Variants in TPTE observed in about 807,000 individuals in gnomAD.
TPTE encodes transmembrane phosphatase with tensin homology.
TPTE carries 59 observed loss-of-function variants against 84.1 expected under a neutral mutation model. The observed-to-expected ratio is 0.70, with a 90% CI of 0.57 to 0.87. The LOEUF (loss-of-function observed/expected upper bound fraction) is 0.87. Ranked by LOEUF, TPTE falls within the 40% of genes least tolerant of loss-of-function variation. The probability of loss-of-function intolerance (pLI) is 0.00; values close to 1 mark genes in which losing one functional copy is unlikely to be tolerated. For missense variants in TPTE, 382 were observed against 659.6 expected (o/e 0.58, Z 4.61); for synonymous variants, 130 against 223.5 (o/e 0.58, Z 3.73).
intron 7 of TPTE, among the ~76,000 whole-genome samples, chr21:10,547,968 G>A (rs1371258951): frequency 6.6e-6 from 1 of 152,426 alleles, no homozygotes; most frequent in African/African-American, 2.4e-5. Context: ...CAGGTCAACA[G>A]AGTGACTATG....
chr21:10,530,851 A>C (rs918368125), intron 3 of TPTE, among the ~76,000 whole-genome samples: 1 of 152,310 alleles, frequency 6.6e-6, no homozygotes, highest in African/African-American at 2.4e-5. Flanking sequence ...TTATATAATC[A>C]GTCTAATAGA....
At chr21:10,602,171 C>T (rs758368238) in intron 22 of TPTE, 21 bp downstream of exon 22, 1 of 1,596,830 alleles carries the variant, frequency 6.3e-7, no homozygotes. Flanking sequence ...ACAAAGTAGC[C>T]TCTGCCATTG....
chr21:10,569,964 T>G (rs1177580478), intron 13 of TPTE, among the ~76,000 whole-genome samples: 2 of 152,304 alleles, frequency 1.3e-5, no homozygotes, highest in African/African-American at 4.8e-5. Context: ...CATAGGAACT[T>G]GAATGGATTT....
At chr21:10,545,781 A>G (rs1262727573) in intron 7 of TPTE, among the ~76,000 whole-genome samples, 2 of 151,804 alleles carry the variant, frequency 1.3e-5, no homozygotes, top group Non-Finnish European at 2.9e-5. Flanking sequence ...ATCTATATAC[A>G]TGTCTACATA....
chr21:10,603,339 TC>T (rs1482994443), intron 22 of TPTE, among the ~76,000 whole-genome samples: 1 of 152,312 alleles, frequency 6.6e-6, no homozygotes, highest in Non-Finnish European at 1.5e-5. Flanking sequence ...AAAATACTAT[TC>T]CTTGAAAATT....
chr21:10,536,935 A>G (rs2074276950), intron 3 of TPTE, among the ~76,000 whole-genome samples: 1 of 152,302 alleles, frequency 6.6e-6, no homozygotes, highest in African/African-American at 2.4e-5. Context: ...GCCCTTAGGG[A>G]AAACAAACAG....
rs574393521 is a variant in TPTE at position 10,522,643 on chromosome 21, A to G, written c.-211+949A>G. 2.0e-5 allele frequency among the ~76,000 whole-genome samples: 3 copies of G among 152,428 alleles called. No individual in the cohort carries two copies. The East Asian group carries it at 5.8e-4, about 29-fold the overall frequency. ...GCTTATTTGCCAGTTGCAAATCTCT[A>G]TTAGTGAAGTATCTGTTCACGTATT... is the stretch of plus-strand genomic sequence containing the variant. On this transcript the variant is annotated intron_variant, in intron 1 of 23. Transcript: ENST00000618007.
At chr21:10,558,882 A>AAT in intron 8 of TPTE, among the ~76,000 whole-genome samples, 1 of 152,304 alleles carries the variant, frequency 6.6e-6, no homozygotes, top group African/African-American at 2.4e-5. Context: ...AGGCTCCATC[A>AAT]AACAGGTTCT....
chr21:10,587,363 C>T (rs1305966013), intron 17 of TPTE, among the ~76,000 whole-genome samples: 1 of 152,306 alleles, frequency 6.6e-6, no homozygotes, highest in African/African-American at 2.4e-5. Flanking sequence ...AACCTGTGTC[C>T]TTTTCTGCTG....
intron 7 of TPTE, among the ~76,000 whole-genome samples, chr21:10,550,033 A>G (rs1201884571): frequency 6.6e-6 from 1 of 152,426 alleles, no homozygotes; most frequent in Non-Finnish European, 1.5e-5. Context: ...AAAGAAAAAA[A>G]TCTTTCAGCC....
At chr21:10,560,281 A>G (rs559395761) in intron 9 of TPTE, among the ~76,000 whole-genome samples, 44 of 152,412 alleles carry the variant, frequency 2.9e-4, no homozygotes, top group Non-Finnish European at 5.0e-4. Context: ...TCTTCTCTAC[A>G]TAAGAGTAAG....
chr21:10,543,279 G>C, intron 6 of TPTE, 50 bp from the exon 7 acceptor site: 1 of 1,458,698 alleles, frequency 6.9e-7, no homozygotes. Flanking sequence ...TGATCCACCC[G>C]CCTCGGCCTC....
chr21:10,535,333 A>G (rs2074248734), intron 3 of TPTE, among the ~76,000 whole-genome samples: 1 of 152,312 alleles, frequency 6.6e-6, no homozygotes, highest in Non-Finnish European at 1.5e-5. Flanking sequence ...CACATAACAT[A>G]CACGCATGCA....
intron 17 of TPTE, among the ~76,000 whole-genome samples, chr21:10,588,279 C>T (rs1286253222): frequency 6.6e-6 from 1 of 152,262 alleles, no homozygotes; most frequent in African/African-American, 2.4e-5. Context: ...CATGTGGTTT[C>T]TGTTTAATTC....
At chr21:10,541,373 G>A (rs1262973390) in intron 5 of TPTE, among the ~76,000 whole-genome samples, 1 of 152,308 alleles carries the variant, frequency 6.6e-6, no homozygotes, top group Non-Finnish European at 1.5e-5. Context: ...TCAGGAGACT[G>A]AGGCAGGAGA....
At chr21:10,567,033 C>T (rs1222169600) in intron 10 of TPTE, among the ~76,000 whole-genome samples, 10 of 150,868 alleles carry the variant, frequency 6.6e-5, no homozygotes, top group Admixed American at 5.3e-4. Flanking sequence ...AACTGGAGAT[C>T]ACTATGTTTG....
intron 19 of TPTE, among the ~76,000 whole-genome samples, chr21:10,593,833 G>A (rs2075531195): frequency 6.6e-6 from 1 of 152,304 alleles, no homozygotes; most frequent in Non-Finnish European, 1.5e-5. Context: ...CTGTAAATGA[G>A]TTTTTCTTTA....
intron 10 of TPTE, among the ~76,000 whole-genome samples, chr21:10,565,240 A>T (rs1340077321): frequency 7.7e-4 from 117 of 152,382 alleles, no homozygotes; most frequent in African/African-American, 2.7e-3. Context: ...ACATTTAAAA[A>T]GTGGTCCTAT....
chr21:10,536,645 G>A (rs531387439), intron 3 of TPTE, among the ~76,000 whole-genome samples: 305 of 152,264 alleles, frequency 2.0e-3, no homozygotes, highest in African/African-American at 6.7e-3. Flanking sequence ...ATGTGCTTGC[G>A]CTCAGGATCA....
Sources: gnomAD v4.1 joint callset for allele counts (sites outside exome capture counted in the v4.1 genomes callset) on GRCh38, gnomAD v4.1.1 for gene constraint, MANE v1.5 for transcripts, NCBI Gene and HGNC (gene_info 2026-07-23, HGNC 2026-07-21) for gene names.